DNAH7: variants seen among roughly 807,000 people sequenced by gnomAD.
The protein encoded by DNAH7 is dynein axonemal heavy chain 7, also known as axonemal beta dynein heavy chain 7.
In DNAH7, 397 loss-of-function variants were observed where a neutral mutation model predicts 444.6. The observed-to-expected ratio is 0.89, with a 90% CI of 0.82 to 0.97. The LOEUF (loss-of-function observed/expected upper bound fraction) is 0.97, where lower values mean the gene tolerates loss of function less well. DNAH7 is among the 50% of genes least tolerant of loss of function. DNAH7 has a pLI of 0.00. For synonymous variants in DNAH7, 1,636 were observed against 1,624.4 expected (o/e 1.01, Z -0.17); for missense variants, 4,902 against 4,800.8 (o/e 1.02, Z -0.62).
At chr2:196,068,163 T>C (rs1177594893) in intron 1 of DNAH7, among the ~76,000 whole-genome samples, 1 of 152,234 alleles carries the variant, frequency 6.6e-6, no homozygotes, top group Non-Finnish European at 1.5e-5. Flanking sequence ...AGGCCTTTCA[T>C]GTATAGTATA....
chr2:195,879,650 C>G (rs989217334), intron 36 of DNAH7, among the ~76,000 whole-genome samples: 2 of 152,038 alleles, frequency 1.3e-5, no homozygotes, highest in South Asian at 4.1e-4. Context: ...ACATTTAACA[C>G]TCAAAATTAA....
chr2:195,947,008 A>T (rs1269868014), intron 19 of DNAH7, among the ~76,000 whole-genome samples: 2 of 151,906 alleles, frequency 1.3e-5, no homozygotes, highest in Non-Finnish European at 2.9e-5. Flanking sequence ...GGTTGAGTAT[A>T]GTTGGTAGCA....
At chr2:195,896,272 T>A (rs112411923) in intron 29 of DNAH7, among the ~76,000 whole-genome samples, 169 of 152,352 alleles carry the variant, frequency 1.1e-3, no homozygotes, top group African/African-American at 4.0e-3. Flanking sequence ...TATTTTCCAA[T>A]GAGTAACTTC....
chr2:196,030,197 T>C (rs1368989876), intron 5 of DNAH7, among the ~76,000 whole-genome samples: 3 of 152,198 alleles, frequency 2.0e-5, no homozygotes, highest in Non-Finnish European at 4.4e-5. Flanking sequence ...TCTTACATGA[T>C]AGCAGAAAGA....
At chr2:195,738,926 T>C (rs1347030048) in intron 64 of DNAH7, among the ~76,000 whole-genome samples, 2 of 152,214 alleles carry the variant, frequency 1.3e-5, no homozygotes, top group Non-Finnish European at 2.9e-5. Flanking sequence ...CCAGTTTCTC[T>C]ATTTCTCCCA....
chr2:195,806,801 C>T lies in DNAH7; in HGVS notation c.10115G>A (p.Trp3372Ter), dbSNP rs1696736724. ...TTGAAACTCATTTGCTTTATCTTCC[C>T]ATTCTTCAGGGAAAACCTCATGGTG... is the stretch of plus-strand genomic sequence containing the variant. The part of the protein sequence containing the change: ...EPHHEVFPEE[W>*]EDKANEFQRM... Residue 3372 changes from tryptophan to a stop codon, truncating the protein, a stop_gained, in exon 54 of 65, where the codon TGG becomes TAG. Coordinates refer to ENST00000312428, the MANE Select transcript of DNAH7 (RefSeq NM_018897.3). LOFTEE classifies it high-confidence loss of function. The T allele has an allele frequency of 1.2e-6, 2 of 1,613,414 alleles. No homozygotes were observed. The highest frequency in any genetic ancestry group is 1.3e-5 in the African/African-American group (1 of 74,902).
At chr2:196,052,293 TGCTCC>T (rs1191440240) in intron 2 of DNAH7, among the ~76,000 whole-genome samples, 6 of 152,206 alleles carry the variant, frequency 3.9e-5, no homozygotes, top group Non-Finnish European at 1.5e-5. Context: ...AGGGAGTGGC[TGCTCC>T]TTATATCTGC....
intron 20 of DNAH7, among the ~76,000 whole-genome samples, chr2:195,935,342 C>T (rs1688976728): frequency 6.6e-6 from 1 of 152,150 alleles, no homozygotes; most frequent in Non-Finnish European, 1.5e-5. Context: ...CTACCAATAA[C>T]CCGTTGCATT....
At chr2:195,813,337 C>T (rs1326847806) in intron 51 of DNAH7, among the ~76,000 whole-genome samples, 1 of 152,080 alleles carries the variant, frequency 6.6e-6, no homozygotes, top group East Asian at 1.9e-4. Flanking sequence ...TAGGTACTTC[C>T]TCCTCTCGTT....
Position 195,777,846 on chromosome 2 carries a change from T to TA in DNAH7, c.11017dup (p.Tyr3673LeufsTer2). The TA allele has an allele frequency of 6.2e-7, 1 of 1,614,106 alleles. No homozygotes were observed. Among genetic ancestry groups the TA allele is most frequent in the African/African-American group, 1.3e-5 (1 of 75,064 alleles). The stretch of plus-strand genomic sequence containing the variant: ...ATAGATGCCACTTGAGTCGAACTTA[T>TA]AGTCTGAATTTTCAACTAATTCGGG... On this transcript the variant is annotated frameshift_variant, in exon 59 of 65. Transcript: ENST00000312428. LOFTEE classifies it high-confidence loss of function.
At chr2:196,049,953 C>CTATG (rs775461856) in intron 3 of DNAH7, among the ~76,000 whole-genome samples, 124 of 152,288 alleles carry the variant, frequency 8.1e-4, no homozygotes, top group Admixed American at 2.4e-3. Context: ...AGAAAACATG[C>CTATG]TATGGCTCGA....
chr2:195,896,789 A>G (rs1478700240), intron 29 of DNAH7, among the ~76,000 whole-genome samples: 1 of 152,204 alleles, frequency 6.6e-6, no homozygotes, highest in African/African-American at 2.4e-5. Context: ...GATTTGCTCC[A>G]TAATATATTT....
At chr2:195,966,059 T>G (rs958855107) in intron 17 of DNAH7, among the ~76,000 whole-genome samples, 1 of 152,022 alleles carries the variant, frequency 6.6e-6, no homozygotes, top group South Asian at 2.1e-4. Flanking sequence ...TTTTGTTTGT[T>G]TGTGTGTTTG....
chr2:195,867,256 T>C (rs1418202265), intron 40 of DNAH7, among the ~76,000 whole-genome samples: 4 of 152,150 alleles, frequency 2.6e-5, no homozygotes, highest in Non-Finnish European at 5.9e-5. Context: ...TGGTCCCTGC[T>C]TTCCTCCCTC....
At chr2:195,850,943 A>T (rs1257339069) in intron 46 of DNAH7, among the ~76,000 whole-genome samples, 1 of 151,960 alleles carries the variant, frequency 6.6e-6, no homozygotes, top group Non-Finnish European at 1.5e-5. Context: ...AGGGAGAGAG[A>T]CTCCCATGCT....
At chr2:195,940,874 A>T (rs1465413122) in intron 19 of DNAH7, among the ~76,000 whole-genome samples, 1 of 152,212 alleles carries the variant, frequency 6.6e-6, no homozygotes, top group African/African-American at 2.4e-5. Context: ...AGGAAACAAC[A>T]GATGCTGGAG....
At position 195,960,739 on chromosome 2, in the gene DNAH7, C is replaced by A. The variant is rs530296677; in HGVS notation, c.2412G>T (p.Trp804Cys). Residue 804 changes from tryptophan (W) to cysteine (C), a missense_variant, in exon 18 of 65, where the codon TGG (tryptophan) becomes TGT (cysteine). Coordinates refer to ENST00000312428, the MANE Select transcript of DNAH7 (RefSeq NM_018897.3). The stretch of plus-strand genomic sequence containing the variant: ...TTTTCTCCAGTTTATATAATCCTCT[C>A]CAGTAATTTCCAATATCTGCTTCTA... ...DQVEADIGNY[W>C]RGLYKLEKTF... The A allele has an allele frequency of 6.2e-7, 1 of 1,614,132 alleles. No homozygotes were observed. The highest frequency in any genetic ancestry group is 2.2e-5 in the East Asian group (1 of 44,874).
chr2:195,838,907 C>T (rs1161120374), intron 47 of DNAH7, among the ~76,000 whole-genome samples: 1 of 151,732 alleles, frequency 6.6e-6, no homozygotes. Flanking sequence ...AATGTGTATG[C>T]CTCTAACAAC....
At chr2:196,016,089 T>G (rs1295042689) in intron 9 of DNAH7, among the ~76,000 whole-genome samples, 1 of 152,170 alleles carries the variant, frequency 6.6e-6, no homozygotes, top group Non-Finnish European at 1.5e-5. Flanking sequence ...AAATTTCAGC[T>G]TTGTTACTTT....
Sources: allele counts gnomAD v4.1 joint callset (sites outside exome capture counted in the v4.1 genomes callset), GRCh38; gene constraint gnomAD v4.1.1; transcripts MANE v1.5; gene names NCBI Gene and HGNC (gene_info 2026-07-23, HGNC 2026-07-21).